OSBPL9: variants seen among roughly 807,000 people sequenced by gnomAD.
OSBPL9 encodes oxysterol binding protein like 9.
In OSBPL9, 40 loss-of-function variants were observed where a neutral mutation model predicts 106.6. The observed-to-expected ratio is 0.38, with a 90% CI of 0.29 to 0.49. OSBPL9 has a LOEUF of 0.49. Among genes scored for constraint, OSBPL9 ranks in the 20% least tolerant of loss-of-function variants. The probability of loss-of-function intolerance (pLI) is 0.97; values close to 1 mark genes in which losing one functional copy is unlikely to be tolerated. For missense variants in OSBPL9, 609 were observed against 887.2 expected, an observed-to-expected ratio of 0.69 and a Z score of 3.98; for synonymous variants, 269 against 295.4, an observed-to-expected ratio of 0.91 and a Z score of 0.92.
intron 3 of OSBPL9, among the ~76,000 whole-genome samples, chr1:51,672,996 A>C (rs1182354826): frequency 6.6e-6 from 1 of 152,236 alleles, no homozygotes; most frequent in Non-Finnish European, 1.5e-5. Context: ...CATAGATGGT[A>C]TTGAAAGCCA....
At chr1:51,728,493 G>A (rs1571360143) in intron 4 of OSBPL9, among the ~76,000 whole-genome samples, 1 of 152,078 alleles carries the variant, frequency 6.6e-6, no homozygotes, top group Non-Finnish European at 1.5e-5. Flanking sequence ...GGACTACTAG[G>A]TTTATGGTTT....
chr1:51,659,476 T>A (rs1647007759), intron 2 of OSBPL9, among the ~76,000 whole-genome samples: 1 of 151,652 alleles, frequency 6.6e-6, no homozygotes, highest in Non-Finnish European at 1.5e-5. Context: ...GATCTAAACA[T>A]TAAAATTTTA....
At chr1:51,554,171 TATAA>T in the OSBPL9 span, among the ~76,000 whole-genome samples, 5 of 152,020 alleles carry the variant, frequency 3.3e-5, no homozygotes, top group Non-Finnish European at 4.4e-5. Flanking sequence ...CAGGTATAAA[TATAA>T]ATACATATAC....
chr1:51,642,520 A>G (rs1394256724), intron 1 of OSBPL9, among the ~76,000 whole-genome samples: 4 of 152,162 alleles, frequency 2.6e-5, no homozygotes, highest in South Asian at 2.1e-4. Flanking sequence ...AGCCAGGTCA[A>G]TTGTCCTGCG....
the OSBPL9 span, chr1:51,519,067 C>G: frequency 5.4e-6 from 3 of 553,240 alleles, no homozygotes; most frequent in Non-Finnish European, 8.7e-6. Flanking sequence ...TTCCCTCACA[C>G]ACACCGGCCG....
intron 2 of OSBPL9, among the ~76,000 whole-genome samples, chr1:51,662,795 A>T (rs1570897849): frequency 7.3e-6 from 1 of 136,556 alleles, no homozygotes; most frequent in African/African-American, 2.9e-5. Context: ...CCCAGGGTGG[A>T]GTGCAGTGGC....
At chr1:51,645,718 G>A (rs1433334852) in intron 1 of OSBPL9, among the ~76,000 whole-genome samples, 1 of 152,080 alleles carries the variant, frequency 6.6e-6, no homozygotes, top group African/African-American at 2.4e-5. Context: ...AGGTCACAAA[G>A]ATTTATACCT....
intron 1 of OSBPL9, among the ~76,000 whole-genome samples, chr1:51,648,429 G>A (rs1028687554): frequency 4.6e-5 from 7 of 152,144 alleles, no homozygotes; most frequent in African/African-American, 1.7e-4. Flanking sequence ...CAGATAGGAG[G>A]GAGCTCTTCC....
chr1:51,583,697 A>C (rs1217803218), intron 1 of OSBPL9: 3 of 152,100 alleles, frequency 2.0e-5, no homozygotes. Context: ...ATCACTTATC[A>C]GTCGGGGGCC....
chr1:51,618,086 C>G (rs889878165), intron 1 of OSBPL9, among the ~76,000 whole-genome samples: 1 of 151,856 alleles, frequency 6.6e-6, no homozygotes, highest in African/African-American at 2.4e-5. Context: ...GGCATCATCT[C>G]GGCTCACTGC....
chr1:51,751,882 TA>T (rs1462973666), intron 8 of OSBPL9, among the ~76,000 whole-genome samples: 1 of 152,224 alleles, frequency 6.6e-6, no homozygotes, highest in Non-Finnish European at 1.5e-5. Flanking sequence ...CCCAGCTTAA[TA>T]AAACTACGTT....
chr1:51,755,242 A>G (rs1291204649), intron 8 of OSBPL9, among the ~76,000 whole-genome samples: 3 of 152,188 alleles, frequency 2.0e-5, no homozygotes, highest in Non-Finnish European at 4.4e-5. Context: ...GTAGACGGCC[A>G]ATAAAGAGAT....
At chr1:51,621,518 AAAAG>A (rs1165099895) in intron 1 of OSBPL9, among the ~76,000 whole-genome samples, 1 of 152,116 alleles carries the variant, frequency 6.6e-6, no homozygotes, top group Non-Finnish European at 1.5e-5. Flanking sequence ...AAAAAAAAAA[AAAAG>A]AAAGTTAAGG....
chr1:51,780,796 G>A (rs1190283063), intron 15 of OSBPL9, among the ~76,000 whole-genome samples: 1 of 151,958 alleles, frequency 6.6e-6, no homozygotes, highest in African/African-American at 2.4e-5. Context: ...GGACTTTGGG[G>A]CTTCAAGGGG....
chr1:51,744,835 A>G (rs756682098), intron 4 of OSBPL9, among the ~76,000 whole-genome samples: 1 of 152,242 alleles, frequency 6.6e-6, no homozygotes, highest in Non-Finnish European at 1.5e-5. Flanking sequence ...CTCTTTACGT[A>G]TGCAAAAAGT....
intron 17 of OSBPL9, among the ~76,000 whole-genome samples, chr1:51,783,353 T>TG (rs1053489683): frequency 6.0e-5 from 9 of 150,186 alleles, no homozygotes; most frequent in Non-Finnish European, 1.2e-4. Flanking sequence ...TTTCTTATTT[T>TG]TTTTTTTTTT....
At chr1:51,591,986 A>G (rs1645278190) in intron 1 of OSBPL9, among the ~76,000 whole-genome samples, 2 of 152,028 alleles carry the variant, frequency 1.3e-5, no homozygotes, top group South Asian at 4.2e-4. Context: ...CTCCTCAATC[A>G]GTGAGCAGAA....
intron 4 of OSBPL9, among the ~76,000 whole-genome samples, chr1:51,734,359 G>A (rs765288674): frequency 6.6e-6 from 1 of 152,170 alleles, no homozygotes; most frequent in African/African-American, 2.4e-5. Context: ...AAATCTGGTT[G>A]TGTTAGTCTT....
At chr1:51,706,896 T>A (rs1319516632) in intron 3 of OSBPL9, among the ~76,000 whole-genome samples, 1 of 152,224 alleles carries the variant, frequency 6.6e-6, no homozygotes, top group Non-Finnish European at 1.5e-5. Flanking sequence ...TGTTTTATTT[T>A]TCTTTCTTTC....
Sources: allele counts gnomAD v4.1 joint callset (sites outside exome capture counted in the v4.1 genomes callset), GRCh38; gene constraint gnomAD v4.1.1; transcripts MANE v1.5; gene names NCBI Gene and HGNC (gene_info 2026-07-23, HGNC 2026-07-21).